The following NEGR1 variants were observed in gnomAD, a reference collection of about 807,000 sequenced individuals.
NEGR1 encodes the protein IgLON family member 4.
Under a neutral mutation model 40.9 loss-of-function variants are expected in NEGR1, and 10 were observed. The ratio of observed to expected loss-of-function variants is 0.24; its 90% CI spans 0.15 to 0.42. The LOEUF (loss-of-function observed/expected upper bound fraction) is 0.42. Ranked by LOEUF, NEGR1 falls within the 10% of genes least tolerant of loss-of-function variation. The pLI is 1.00. For synonymous variants in NEGR1, 185 were observed against 166.8 expected, an observed-to-expected ratio of 1.11 and a Z score of -0.84; for missense variants, 352 against 438.9, an observed-to-expected ratio of 0.80 and a Z score of 1.77.
intron 6 of NEGR1, among the ~76,000 whole-genome samples, chr1:71,432,058 C>T (rs778740211): frequency 2.6e-5 from 4 of 151,930 alleles, no homozygotes; most frequent in Admixed American, 6.6e-5. Context: ...GAGATGATGT[C>T]GTAGATCAAG....
At chr1:71,807,076 T>G (rs1433221985) in intron 2 of NEGR1, among the ~76,000 whole-genome samples, 2 of 151,872 alleles carry the variant, frequency 1.3e-5, no homozygotes, top group African/African-American at 4.8e-5. Flanking sequence ...TTTTGTATTT[T>G]TAGTAGAGAC....
intron 6 of NEGR1, among the ~76,000 whole-genome samples, chr1:71,513,189 GTTT>G (rs1251366812): frequency 6.6e-6 from 1 of 151,978 alleles, no homozygotes; most frequent in Non-Finnish European, 1.5e-5. Context: ...AAAATGTGAG[GTTT>G]TTTGTTGTTA....
chr1:71,709,438 T>C (rs1654009172), intron 3 of NEGR1, among the ~76,000 whole-genome samples: 1 of 152,190 alleles, frequency 6.6e-6, no homozygotes, highest in Non-Finnish European at 1.5e-5. Flanking sequence ...CGGCCACATG[T>C]ATGTCTTCTT....
intron 1 of NEGR1, among the ~76,000 whole-genome samples, chr1:72,035,890 A>G (rs1262575020): frequency 6.6e-6 from 1 of 152,176 alleles, no homozygotes; most frequent in East Asian, 1.9e-4. Context: ...AGAAGGTAGA[A>G]TTAAGATCAT....
chr1:72,085,796 C>T (rs1187803865), intron 1 of NEGR1, among the ~76,000 whole-genome samples: 1 of 151,662 alleles, frequency 6.6e-6, no homozygotes, highest in African/African-American at 2.4e-5. Context: ...ATGGAAAAAC[C>T]CTGTCTCTAC....
intron 4 of NEGR1, among the ~76,000 whole-genome samples, chr1:71,646,828 C>T (rs1461475053): frequency 6.6e-6 from 1 of 151,710 alleles, no homozygotes; most frequent in East Asian, 1.9e-4. Flanking sequence ...TTATCAATGA[C>T]ATCAATAAAG....
At chr1:71,935,920 T>G (rs931842428) in intron 1 of NEGR1, among the ~76,000 whole-genome samples, 1 of 152,278 alleles carries the variant, frequency 6.6e-6, no homozygotes, top group East Asian at 1.9e-4. Context: ...TGTCTCAGCC[T>G]CCCTAGTAGC....
At chr1:71,954,327 T>C (rs769495518) in intron 1 of NEGR1, among the ~76,000 whole-genome samples, 3 of 151,904 alleles carry the variant, frequency 2.0e-5, no homozygotes, top group Non-Finnish European at 4.4e-5. Context: ...TGATTTTAGA[T>C]GTCAACCTGT....
chr1:71,987,202 A>G (rs1007690628), intron 1 of NEGR1, among the ~76,000 whole-genome samples: 1 of 152,176 alleles, frequency 6.6e-6, no homozygotes, highest in Non-Finnish European at 1.5e-5. Context: ...AGAATTGCTT[A>G]ATCCTGTATG....
At chr1:71,475,541 C>T (rs1557539189) in intron 6 of NEGR1, among the ~76,000 whole-genome samples, 1 of 151,682 alleles carries the variant, frequency 6.6e-6, no homozygotes, top group Non-Finnish European at 1.5e-5. Flanking sequence ...ATAATATTTT[C>T]CCATTTAAAA....
chr1:72,149,879 C>CA (rs1180110033), intron 1 of NEGR1, among the ~76,000 whole-genome samples: 7,045 of 39,288 alleles, frequency 0.18, 1,421 homozygotes, highest in African/African-American at 0.51. Flanking sequence ...AAAACTCTGT[C>CA]AAAAAAAAAA....
intron 4 of NEGR1, among the ~76,000 whole-genome samples, chr1:71,660,922 C>A (rs1652033738): frequency 6.6e-6 from 1 of 152,168 alleles, no homozygotes; most frequent in South Asian, 2.1e-4. Context: ...CATTGTTCAA[C>A]TTCCACTTAT....
chr1:71,766,601 G>T (rs1247096311), intron 3 of NEGR1, among the ~76,000 whole-genome samples: 1 of 152,186 alleles, frequency 6.6e-6, no homozygotes, highest in Non-Finnish European at 1.5e-5. Flanking sequence ...CTTGGAAATA[G>T]ACATCAAAAT....
At chr1:72,110,967 GTTA>G (rs1167257343) in intron 1 of NEGR1, among the ~76,000 whole-genome samples, 2 of 151,384 alleles carry the variant, frequency 1.3e-5, no homozygotes, top group East Asian at 3.9e-4. Flanking sequence ...GTATGAAATA[GTTA>G]TTATATCCTA....
intron 6 of NEGR1, among the ~76,000 whole-genome samples, chr1:71,540,482 G>T (rs879315811): frequency 1.3e-5 from 2 of 151,708 alleles, no homozygotes; most frequent in Non-Finnish European, 2.9e-5. Flanking sequence ...TCTTCCTCAT[G>T]TATGATTATA....
At chr1:71,946,555 C>T (rs1306621595) in intron 1 of NEGR1, among the ~76,000 whole-genome samples, 2 of 152,092 alleles carry the variant, frequency 1.3e-5, no homozygotes, top group Non-Finnish European at 2.9e-5. Context: ...TGAACAAACT[C>T]TACTTTAAAA....
intron 6 of NEGR1, among the ~76,000 whole-genome samples, chr1:71,440,961 A>C (rs901497802): frequency 3.3e-5 from 5 of 152,220 alleles, no homozygotes; most frequent in African/African-American, 1.2e-4. Flanking sequence ...ACACTCATAG[A>C]TCAAAACAGG....
At chr1:72,146,152 G>T (rs933934655) in intron 1 of NEGR1, among the ~76,000 whole-genome samples, 1 of 152,070 alleles carries the variant, frequency 6.6e-6, no homozygotes, top group Non-Finnish European at 1.5e-5. Context: ...AGCAACACAG[G>T]TTGAGCCTCT....
intron 6 of NEGR1, among the ~76,000 whole-genome samples, chr1:71,510,236 T>G (rs1022177762): frequency 1.3e-5 from 2 of 152,200 alleles, no homozygotes; most frequent in African/African-American, 4.8e-5. Context: ...TTAAAACAGC[T>G]ATTAATAAAC....
Sources: gnomAD v4.1 joint callset for allele counts (sites outside exome capture counted in the v4.1 genomes callset) on GRCh38, gnomAD v4.1.1 for gene constraint, MANE v1.5 for transcripts, NCBI Gene and HGNC (gene_info 2026-07-23, HGNC 2026-07-21) for gene names.